The following SOX5 variants were observed in gnomAD, a reference collection of about 807,000 sequenced individuals.
The protein encoded by SOX5 is transcription factor SOX-5.
SOX5 carries 9 observed loss-of-function variants against 92.0 expected under a neutral mutation model. The observed-to-expected ratio is 0.10, with a 90% CI of 0.06 to 0.17. SOX5 has a LOEUF of 0.17. Among genes scored for constraint, SOX5 ranks in the 10% least tolerant of loss-of-function variants. The probability of loss-of-function intolerance (pLI) is 1.00; values close to 1 mark genes in which losing one functional copy is unlikely to be tolerated. For synonymous variants in SOX5, 344 were observed against 336.3 expected, an observed-to-expected ratio of 1.02 and a Z score of -0.25; for missense variants, 642 against 944.5, an observed-to-expected ratio of 0.68 and a Z score of 4.20.
At chr12:23,859,403 C>T (rs1390406146) in intron 2 of SOX5, among the ~76,000 whole-genome samples, 1 of 152,180 alleles carries the variant, frequency 6.6e-6, no homozygotes, top group Non-Finnish European at 1.5e-5. Flanking sequence ...CTCTGGTCTC[C>T]TGCAGTGCCC....
chr12:23,574,028 T>G (rs188457865), intron 10 of SOX5, among the ~76,000 whole-genome samples: 29 of 151,646 alleles, frequency 1.9e-4, no homozygotes, highest in African/African-American at 6.8e-4. Flanking sequence ...ATCAGTTATC[T>G]ATCTATTAGT....
chr12:23,898,050 A>G (rs2097195086), intron 1 of SOX5, among the ~76,000 whole-genome samples: 1 of 152,196 alleles, frequency 6.6e-6, no homozygotes, highest in Non-Finnish European at 1.5e-5. Context: ...GATATATTAC[A>G]TAATAACATA....
chr12:24,114,259 A>C (rs971613366), intron 4 of SOX5, among the ~76,000 whole-genome samples: 2 of 152,048 alleles, frequency 1.3e-5, no homozygotes, highest in Non-Finnish European at 2.9e-5. Flanking sequence ...AAATTTTTTT[A>C]AAAAAATCTT....
intron 3 of SOX5, among the ~76,000 whole-genome samples, chr12:23,768,800 T>C (rs2094824944): frequency 6.6e-6 from 1 of 152,146 alleles, no homozygotes; most frequent in Admixed American, 6.6e-5. Flanking sequence ...CTTTATTGCT[T>C]GACAGGGTTC....
chr12:23,641,182 G>C (rs10842199), intron 7 of SOX5, among the ~76,000 whole-genome samples: 3 of 151,810 alleles, frequency 2.0e-5, no homozygotes, highest in Admixed American at 2.0e-4. Flanking sequence ...GGCTGCACTT[G>C]ATAACACACA....
intron 6 of SOX5, among the ~76,000 whole-genome samples, chr12:23,699,705 G>A (rs1443090408): frequency 6.6e-6 from 1 of 152,034 alleles, no homozygotes; most frequent in Admixed American, 6.6e-5. Flanking sequence ...TTGAGTATAT[G>A]TTTCCTTAAG....
At chr12:24,286,752 A>G (rs1188266713) in intron 2 of SOX5, among the ~76,000 whole-genome samples, 1 of 152,200 alleles carries the variant, frequency 6.6e-6, no homozygotes, top group Non-Finnish European at 1.5e-5. Context: ...AACTTTTTAA[A>G]ATAAGCTATC....
At chr12:23,617,295 A>G (rs2076682045) in intron 8 of SOX5, among the ~76,000 whole-genome samples, 1 of 152,100 alleles carries the variant, frequency 6.6e-6, no homozygotes, top group Non-Finnish European at 1.5e-5. Flanking sequence ...CAAGGCATAA[A>G]TTATTATTAT....
At chr12:24,215,246 A>G (rs1458595658) in intron 3 of SOX5, among the ~76,000 whole-genome samples, 1 of 152,146 alleles carries the variant, frequency 6.6e-6, no homozygotes. Context: ...GAGATTTCAT[A>G]CAGGTTCACT....
rs1944719285 is a variant in SOX5, at chr12:24,278,205, C to A, written c.-173-893G>T. Among the ~76,000 whole-genome samples the A allele has an allele frequency of 2.0e-5, 3 of 152,146 alleles. No homozygotes were observed. In the South Asian group the frequency reaches 6.2e-4, roughly 32 times the overall value. On this transcript the variant is annotated intron_variant, in intron 2 of 4. Coordinates refer to the SOX5 transcript ENST00000446891. ...TATTCAGTTTTGATCACAAGGTTTACAGTATTTGAATAGTTTTATTACCAT... is the reference window on the plus strand; with the variant it reads ...TATTCAGTTTTGATCACAAGGTTTAAAGTATTTGAATAGTTTTATTACCAT...
At chr12:24,233,289 G>A (rs1963792355) in intron 3 of SOX5, among the ~76,000 whole-genome samples, 1 of 151,842 alleles carries the variant, frequency 6.6e-6, no homozygotes, top group South Asian at 2.1e-4. Flanking sequence ...GAATAACAAT[G>A]AAAATTTAAA....
intron 2 of SOX5, among the ~76,000 whole-genome samples, chr12:23,859,966 T>C (rs1038966652): frequency 4.6e-5 from 7 of 152,264 alleles, no homozygotes; most frequent in African/African-American, 7.2e-5. Context: ...TATGCAGCCA[T>C]AACAAAGAAT....
At chr12:23,797,816 GTAGCCTCTCT>G (rs2095592366) in intron 3 of SOX5, among the ~76,000 whole-genome samples, 1 of 152,016 alleles carries the variant, frequency 6.6e-6, no homozygotes, top group Admixed American at 6.6e-5. Flanking sequence ...ACTGTACAAT[GTAGCCTCTCT>G]TTACCTCTCT....
At chr12:23,862,413 G>A (rs1161916423) in intron 2 of SOX5, among the ~76,000 whole-genome samples, 2 of 152,124 alleles carry the variant, frequency 1.3e-5, no homozygotes, top group African/African-American at 4.8e-5. Context: ...ACACAAGTGG[G>A]CCACCATACT....
chr12:23,601,075 G>T (rs368010542), intron 9 of SOX5, among the ~76,000 whole-genome samples: 1 of 152,046 alleles, frequency 6.6e-6, no homozygotes, highest in African/African-American at 2.4e-5. Flanking sequence ...GAGCTTGGAG[G>T]TCACAGCCAC....
intron 3 of SOX5, among the ~76,000 whole-genome samples, chr12:23,821,014 C>T (rs1413191239): frequency 6.6e-6 from 1 of 152,028 alleles, no homozygotes; most frequent in African/African-American, 2.4e-5. Flanking sequence ...TTACTTTGGG[C>T]AGTATGGCCA....
chr12:23,973,101 T>C (rs968075702), intron 4 of SOX5, among the ~76,000 whole-genome samples: 5 of 152,000 alleles, frequency 3.3e-5, no homozygotes, highest in Admixed American at 6.6e-5. Flanking sequence ...GTTTCGCTTA[T>C]CATAATGTCC....
At chr12:24,083,717 T>C (rs1214132509) in intron 4 of SOX5, among the ~76,000 whole-genome samples, 2 of 151,842 alleles carry the variant, frequency 1.3e-5, no homozygotes, top group Non-Finnish European at 2.9e-5. Context: ...ATAGCTGGGG[T>C]TTGGGAAAGA....
At chr12:24,329,387 C>G (rs1045112011) in intron 2 of SOX5, among the ~76,000 whole-genome samples, 5 of 152,120 alleles carry the variant, frequency 3.3e-5, no homozygotes, top group Admixed American at 6.5e-5. Context: ...GAAGCAAAAA[C>G]TGCCTTATAA....
Sources: allele counts gnomAD v4.1 joint callset (sites outside exome capture counted in the v4.1 genomes callset), GRCh38; gene constraint gnomAD v4.1.1; transcripts MANE v1.5; gene names NCBI Gene and HGNC (gene_info 2026-07-23, HGNC 2026-07-21).